Variants in EYS observed in about 807,000 individuals in gnomAD.
EYS encodes protein eyes shut homolog.
A neutral mutation model predicts 282.1 loss-of-function variants in EYS; 250 were observed. The observed-to-expected ratio is 0.89, with a 90% CI of 0.80 to 0.98. The LOEUF is 0.98. Among genes scored for constraint, EYS ranks in the 50% least tolerant of loss-of-function variants. The pLI, the probability that EYS is intolerant of heterozygous loss-of-function variation, is 0.00. For missense variants in EYS, 4,016 were observed against 3,709.0 expected (o/e 1.08, Z -2.15); for synonymous variants, 1,355 against 1,282.9 (o/e 1.06, Z -1.20).
chr6:65,295,996 G>T lies in EYS; in HGVS notation c.1890C>A (p.Ser630Arg). ...TGTTCCTTTCATATCTTTGCAGACC[G>T]CTACAGTTACAATTGTGCGAAAGGG... is the stretch of plus-strand genomic sequence containing the variant. ...CLALSHNCNC[S>R]GLQRYERNIC... Residue 630 changes from serine to arginine, a missense_variant, in exon 12 of 43, where the codon AGC becomes AGA. Physicochemically the swap from Ser to Arg is moderately radical, Grantham distance 110. Coordinates refer to ENST00000503581, the MANE Select transcript of EYS (RefSeq NM_001142800.2). 4 of 1,551,140 alleles carry T rather than the reference G, an allele frequency of 2.6e-6. No individual in the cohort carries two copies. Among genetic ancestry groups the T allele is most frequent in the Non-Finnish European group, 3.5e-6 (4 of 1,146,516 alleles).
chr6:65,314,951 A>G (rs1345574620), intron 11 of EYS, among the ~76,000 whole-genome samples: 1 of 152,176 alleles, frequency 6.6e-6, no homozygotes, highest in East Asian at 1.9e-4. Context: ...AGTAAATCAT[A>G]TCACCAAAAC....
chr6:65,521,912 T>C (rs1217020470), intron 2 of EYS, among the ~76,000 whole-genome samples: 1 of 152,182 alleles, frequency 6.6e-6, no homozygotes, highest in Non-Finnish European at 1.5e-5. Flanking sequence ...ATTTGATTAA[T>C]AGTCAACAAT....
rs543680522 is a variant in EYS, at chr6:65,350,883, G to C, written c.1459+2575C>G. On this transcript the variant is annotated intron_variant, in intron 9 of 42. Transcript: ENST00000503581. The stretch of plus-strand genomic sequence containing the variant: ...TTGGGCGTGTAAGACACTTAATTTA[G>C]TTGTTAGAAAAATCCCTTAATTAAA... 2.0e-5 allele frequency among the ~76,000 whole-genome samples: 3 copies of C among 151,696 alleles called. No homozygotes were observed. The East Asian group carries it at 5.8e-4, about 30-fold the overall frequency.
At position 64,886,771 on chromosome 6, in the gene EYS, G is replaced by T; in HGVS notation, c.2918C>A (p.Ser973Ter). The change falls in exon 19 of 43, where the codon TCA becomes TAA. Residue 973 changes from serine (S) to a stop codon, truncating the protein, a stop_gained. Transcript: ENST00000503581. LOFTEE classifies it high-confidence loss of function. The stretch of plus-strand genomic sequence containing the variant: ...ACAATTTTCTTCATCTAGACAAGGT[G>T]AGATTTTACATTTATTTACATCAAG... The part of the protein sequence containing the change: ...CELDVNKCKI[S>*]PCLDEENCVY... 6.5e-7 allele frequency: 1 copy of T among 1,547,076 alleles called. No homozygotes were observed. The highest frequency in any genetic ancestry group is 2.0e-5 in the Admixed American group (1 of 50,612).
intron 8 of EYS, among the ~76,000 whole-genome samples, chr6:65,377,895 A>G (rs1363935751): frequency 6.6e-6 from 1 of 152,160 alleles, no homozygotes; most frequent in African/African-American, 2.4e-5. Flanking sequence ...AAAGTTCTGA[A>G]ATTGAGGCAT....
intron 31 of EYS, among the ~76,000 whole-genome samples, chr6:64,219,184 C>T (rs1408989279): frequency 3.3e-5 from 5 of 152,126 alleles, no homozygotes; most frequent in Admixed American, 3.3e-4. Flanking sequence ...CTGATCTGAC[C>T]TTGAAGACTC....
intron 11 of EYS, among the ~76,000 whole-genome samples, chr6:65,323,909 T>C (rs1381191360): frequency 6.6e-6 from 1 of 151,934 alleles, no homozygotes; most frequent in Non-Finnish European, 1.5e-5. Context: ...TAGTAGGGCT[T>C]CTAAGGTTCT....
intron 22 of EYS, among the ~76,000 whole-genome samples, chr6:64,798,049 G>A (rs527790006): frequency 3.0e-4 from 46 of 151,402 alleles, no homozygotes; most frequent in Non-Finnish European, 4.6e-4. Context: ...CTTTATAATC[G>A]TATTAATATA....
At chr6:65,345,332 A>G (rs1770353321) in intron 9 of EYS, among the ~76,000 whole-genome samples, 1 of 151,816 alleles carries the variant, frequency 6.6e-6, no homozygotes, top group Non-Finnish European at 1.5e-5. Context: ...AGGTCAATAA[A>G]AATTCTACCT....
intron 19 of EYS, among the ~76,000 whole-genome samples, chr6:64,856,933 CTATAATTCTTTAT>C (rs1766082738): frequency 6.6e-6 from 1 of 152,058 alleles, no homozygotes; most frequent in Non-Finnish European, 1.5e-5. Flanking sequence ...ACATTTAGAT[CTATAATTCTTTAT>C]GAGTTAATCT....
intron 31 of EYS, among the ~76,000 whole-genome samples, chr6:64,172,956 G>A (rs1424793549): frequency 2.6e-5 from 4 of 152,046 alleles, no homozygotes; most frequent in Admixed American, 6.6e-5. Flanking sequence ...CCGCGAAACC[G>A]GTCCCTGTTG....
At chr6:64,950,834 T>TATATATATATATATATATATATATATA (rs1491182951) in intron 14 of EYS, among the ~76,000 whole-genome samples, 1 of 81,198 alleles carries the variant, frequency 1.2e-5, no homozygotes, top group Non-Finnish European at 2.5e-5. Context: ...TATATATATA[T>TATATATATATATATATATATATATATA]TGTTGAATTG....
intron 12 of EYS, among the ~76,000 whole-genome samples, chr6:65,097,705 T>G (rs1035732836): frequency 1.3e-5 from 2 of 150,500 alleles, no homozygotes; most frequent in African/African-American, 4.9e-5. Context: ...TGCAACAACA[T>G]GGATAAACCT....
At chr6:64,658,963 T>A (rs1768877403) in intron 22 of EYS, among the ~76,000 whole-genome samples, 1 of 152,172 alleles carries the variant, frequency 6.6e-6, no homozygotes, top group South Asian at 2.1e-4. Context: ...CTGCACTTAT[T>A]CTAAAATTGA....
rs144695997 is a variant in EYS, at chr6:65,700,508, T to C, written c.-448+6627A>G. 5.9e-5 allele frequency among the ~76,000 whole-genome samples: 9 copies of C among 152,328 alleles called. No individual in the cohort carries two copies. In the East Asian group the frequency reaches 1.7e-3, roughly 29 times the overall value. ...CTTTAATTATTTTAACTTTTAAAAC[T>C]TTTAATTTGTATGGTAGTATTGATC... is the stretch of plus-strand genomic sequence containing the variant. On this transcript the variant is annotated intron_variant, in intron 1 of 42. Transcript: ENST00000503581.
At chr6:65,092,661 C>T (rs914239435) in intron 12 of EYS, among the ~76,000 whole-genome samples, 1 of 152,122 alleles carries the variant, frequency 6.6e-6, no homozygotes, top group South Asian at 2.1e-4. Context: ...AGCATATAGT[C>T]ATCTTTATCC....
At chr6:63,780,360 G>A (rs568472659) in intron 39 of EYS, among the ~76,000 whole-genome samples, 14 of 152,034 alleles carry the variant, frequency 9.2e-5, no homozygotes, top group Admixed American at 2.0e-4. Flanking sequence ...TTACAGTACC[G>A]CCAACAGTGT....
intron 36 of EYS, among the ~76,000 whole-genome samples, chr6:63,854,474 G>A (rs1772340663): frequency 6.6e-6 from 1 of 152,074 alleles, no homozygotes; most frequent in Non-Finnish European, 1.5e-5. Flanking sequence ...GCAAGGGGAG[G>A]CATAGGATTA....
intron 19 of EYS, among the ~76,000 whole-genome samples, chr6:64,841,981 A>T (rs1765576915): frequency 6.6e-6 from 1 of 152,104 alleles, no homozygotes; most frequent in African/African-American, 2.4e-5. Context: ...ATTTCTTCAT[A>T]AATTCCAGGA....
Sources: gnomAD v4.1 joint callset for allele counts (sites outside exome capture counted in the v4.1 genomes callset) on GRCh38, gnomAD v4.1.1 for gene constraint, MANE v1.5 for transcripts, NCBI Gene and HGNC (gene_info 2026-07-23, HGNC 2026-07-21) for gene names.